ZNF540: variants seen among roughly 807,000 people sequenced by gnomAD.
ZNF540 encodes the protein zinc finger protein 540.
In ZNF540, 3 loss-of-function variants were observed where a neutral mutation model predicts 11.8. The ratio of observed to expected loss-of-function variants is 0.25; its 90% CI spans 0.12 to 0.65. The LOEUF (loss-of-function observed/expected upper bound fraction) is 0.65. ZNF540 is among the 30% of genes least tolerant of loss of function. The pLI, the probability that ZNF540 is intolerant of heterozygous loss-of-function variation, is 0.83. For synonymous variants in ZNF540, 247 were observed against 259.0 expected (o/e 0.95, Z 0.45); for missense variants, 709 against 793.1 (o/e 0.89, Z 1.27).
Position 37,612,606 on chromosome 19 carries a change from G to A in ZNF540, c.1326G>A (p.Lys442=). The change falls in exon 5 of 5, where the codon AAG becomes AAA. Residue 442 remains lysine, a synonymous_variant. Transcript: ENST00000316433. ...IHTGEKPYEC[K]ECGKAFMLRS... ...CTGGAGAGAAACCATATGAATGTAA[G>A]GAATGCGGGAAAGCCTTTATGCTTC... is the stretch of plus-strand genomic sequence containing the variant. 6.2e-7 allele frequency: 1 copy of A among 1,614,046 alleles called. No homozygotes were observed. The highest frequency in any genetic ancestry group is 8.5e-7 in the Non-Finnish European group (1 of 1,179,988).
intron 1 of ZNF540, chr19:37,565,097 T>C: frequency 1.2e-6 from 2 of 1,613,472 alleles, no homozygotes; most frequent in Non-Finnish European, 1.7e-6. Flanking sequence ...AAAGGGTTTC[T>C]CACCTGTATG....
chr19:37,597,766 T>C (rs2044007535), intron 1 of ZNF540, among the ~76,000 whole-genome samples: 1 of 152,226 alleles, frequency 6.6e-6, no homozygotes, highest in Non-Finnish European at 1.5e-5. Flanking sequence ...GGAAGTATTT[T>C]AGGCTGTGTG....
chr19:37,609,244 T>C (rs1395004207), intron 4 of ZNF540, among the ~76,000 whole-genome samples: 4 of 152,104 alleles, frequency 2.6e-5, no homozygotes, highest in African/African-American at 4.8e-5. Flanking sequence ...TGAGAAAGCT[T>C]ATAAAGAAAG....
At chr19:37,567,402 T>A (rs1001634905) in intron 1 of ZNF540, among the ~76,000 whole-genome samples, 1 of 152,236 alleles carries the variant, frequency 6.6e-6, no homozygotes, top group African/African-American at 2.4e-5. Flanking sequence ...GAGCTAATAA[T>A]CTTTCAATGG....
At chr19:37,610,562 G>C (rs2044120376) in intron 4 of ZNF540, among the ~76,000 whole-genome samples, 1 of 152,160 alleles carries the variant, frequency 6.6e-6, no homozygotes, top group Non-Finnish European at 1.5e-5. Flanking sequence ...AGAAGGAGTT[G>C]GCCTTTCACA....
In ZNF540 at chr19:37,613,180, C is replaced by A. The variant is rs758989860; in HGVS notation, c.1900C>A (p.Pro634Thr). ...TCAGAGAATTCACACTGGTGAGAAA[C>A]CCTATGAGTGTAAGGTATGTAGAAA... ...EHQRIHTGEK[P>T]YECKVCRKAF... is the part of the protein sequence containing the mutation. Residue 634 changes from proline to threonine, a missense_variant, in exon 5 of 5, where the codon CCC becomes ACC. By Grantham distance (38) the Pro-to-Thr change is conservative (BLOSUM62 -1). Coordinates refer to ENST00000316433, the MANE Select transcript of ZNF540 (RefSeq NM_001172225.3). 1 of 1,613,006 alleles carries A rather than the reference C, an allele frequency of 6.2e-7. No individual in the cohort carries two copies. The highest frequency in any genetic ancestry group is 1.1e-5 in the South Asian group (1 of 90,950).
rs76354846 is a variant in ZNF540 at position 37,597,905 on chromosome 19, G to A, written c.-72-471G>A. On this transcript the variant is annotated intron_variant, in intron 1 of 4. Transcript: ENST00000316433. ...GCTTTATTTACAAAAACATATGGGC[G>A]GGCCAGATTTGGCCCATGGGCCATA... 3.3e-3 allele frequency among the ~76,000 whole-genome samples: 509 copies of A among 152,334 alleles called. 1 individual carries two copies. Among genetic ancestry groups the A allele is most frequent in the African/African-American group, 0.012 (487 of 41,584 alleles).
At chr19:37,591,285 T>C (rs1241438226), upstream of ZNF540, among the ~76,000 whole-genome samples, 1 of 152,320 alleles carries the variant, frequency 6.6e-6, no homozygotes, top group South Asian at 2.1e-4. Flanking sequence ...TCATTTGTTC[T>C]GCCAGAAAGC....
rs2043255608 is a variant in ZNF540, at chr19:37,576,768, A to G, written c.-72-21608A>G. ...TAGCAAAGACCCAAACTGGGAAGAA[A>G]TACCCCAATATGCTTAGCCATAAAC... On this transcript the variant is annotated intron_variant, in intron 1 of 4. Transcript: ENST00000592533. Among the ~76,000 whole-genome samples, 3 of 152,196 alleles carry G rather than the reference A, an allele frequency of 2.0e-5. 1 individual carries two copies. In the South Asian group the frequency reaches 6.2e-4, roughly 32 times the overall value.
In ZNF540 at chr19:37,599,837, G is replaced by T. The variant is rs2044025458; in HGVS notation, c.136+85G>T. 1.5e-5 allele frequency: 21 copies of T among 1,397,364 alleles called. 1 individual carries two copies. In the South Asian group the frequency reaches 2.9e-4, roughly 19 times the overall value. The allele number at this position is 1,397,364 out of a possible 1,614,324, so 86.6% of individuals were successfully genotyped here. On this transcript the variant is annotated intron_variant, in intron 3 of 4. Coordinates refer to ENST00000316433, the MANE Select transcript of ZNF540 (RefSeq NM_001172225.3). Reference sequence around the variant, plus strand: ...CCACAAATTTAGGACTAATTATTAAGAAACTAGCTGAATTTCTTCTCTCTT... The same window carrying T: ...CCACAAATTTAGGACTAATTATTAATAAACTAGCTGAATTTCTTCTCTCTT...
Position 37,613,365 on chromosome 19 carries a change from T to A in ZNF540, c.*102T>A. The A allele has an allele frequency of 1.2e-6, 1 of 839,000 alleles. No homozygotes were observed. Among genetic ancestry groups the A allele is most frequent in the Non-Finnish European group, 1.7e-6 (1 of 586,582 alleles). The allele number at this position is 839,000 out of a possible 1,614,324, so 52.0% of individuals were successfully genotyped here. A position where few individuals can be genotyped will look rare whatever the true frequency, so the allele number is the denominator to read the frequency against. On this transcript the variant is annotated 3_prime_UTR_variant, in exon 5 of 5. Transcript: ENST00000316433. ...TTGATGTTTTTTTACACATATTAAC[T>A]TAATAAATGTATGAGTCTTAAATAC...
chr19:37,593,757 T>C (rs1235122515), upstream of ZNF540, among the ~76,000 whole-genome samples: 2 of 151,688 alleles, frequency 1.3e-5, no homozygotes, highest in Non-Finnish European at 2.9e-5. Flanking sequence ...TGCTGTATCA[T>C]TGGGTGGAAA....
chr19:37,594,607 C>T (rs2043963569), upstream of ZNF540: 1 of 152,318 alleles, frequency 6.6e-6, no homozygotes, highest in Non-Finnish European at 1.5e-5. Context: ...AGTAATTAGC[C>T]AGAGCACCGT....
chr19:37,575,524 A>G (rs1311647880), intron 1 of ZNF540: 2 of 152,236 alleles, frequency 1.3e-5, no homozygotes, highest in African/African-American at 4.8e-5. Flanking sequence ...TTTCTTTAGT[A>G]CTAAGCTTCA....
intron 1 of ZNF540, chr19:37,585,162 G>A (rs2043626115): frequency 6.6e-6 from 1 of 152,150 alleles, no homozygotes; most frequent in African/African-American, 2.4e-5. Context: ...AAATCCCAAG[G>A]TGAACTTGAC....
At chr19:37,571,419 C>A (rs918432513) in intron 1 of ZNF540, among the ~76,000 whole-genome samples, 2 of 152,016 alleles carry the variant, frequency 1.3e-5, no homozygotes, top group African/African-American at 4.8e-5. Context: ...TCGCCTGAAC[C>A]CAGGAAGTGG....
chr19:37,584,869 C>CA (rs2043610485), intron 1 of ZNF540, among the ~76,000 whole-genome samples: 1 of 150,046 alleles, frequency 6.7e-6, no homozygotes, highest in Non-Finnish European at 1.5e-5. Context: ...GAGGCTGAGG[C>CA]AGGAGAATGG....
intron 4 of ZNF540, among the ~76,000 whole-genome samples, chr19:37,602,416 C>T (rs919743234): frequency 2.0e-5 from 3 of 152,188 alleles, no homozygotes; most frequent in African/African-American, 7.2e-5. Context: ...ATCTGACCTA[C>T]TACCTGTTTT....
chr19:37,570,173 A>G (rs2043003901), intron 1 of ZNF540, among the ~76,000 whole-genome samples: 1 of 152,174 alleles, frequency 6.6e-6, no homozygotes, highest in Non-Finnish European at 1.5e-5. Context: ...GGGTTATCTC[A>G]ATTACCTTAA....
Sources: gnomAD v4.1 joint callset for allele counts (sites outside exome capture counted in the v4.1 genomes callset) on GRCh38, gnomAD v4.1.1 for gene constraint, MANE v1.5 for transcripts, NCBI Gene and HGNC (gene_info 2026-07-23, HGNC 2026-07-21) for gene names.